Variants in EDA observed in about 807,000 individuals in gnomAD.
EDA encodes the protein ectodysplasin A, also known as ectodysplasin-A.
EDA carries 2 observed loss-of-function variants against 23.6 expected under a neutral mutation model. That is an observed-to-expected ratio of 0.08 (90% CI 0.03 to 0.27). The LOEUF is 0.27. Among genes scored for constraint, EDA ranks in the 10% least tolerant of loss-of-function variants. The pLI, the probability that EDA is intolerant of heterozygous loss-of-function variation, is 1.00. For missense variants in EDA, 229 were observed against 324.2 expected, an observed-to-expected ratio of 0.71 and a Z score of 2.26; for synonymous variants, 131 against 132.0, an observed-to-expected ratio of 0.99 and a Z score of 0.05.
chrX:69,667,644 T>C (rs778348121), intron 1 of EDA, among the ~76,000 whole-genome samples: 6 of 112,424 alleles, frequency 5.3e-5, no homozygotes, highest in African/African-American at 1.9e-4. Context: ...GTTTAGTTTG[T>C]GCTTCTTTTA....
chrX:69,725,374 C>G (rs1257040960), intron 1 of EDA, among the ~76,000 whole-genome samples: 1 of 112,068 alleles, frequency 8.9e-6, no homozygotes, highest in Admixed American at 9.5e-5. Context: ...TTTTCTTTCT[C>G]TAACCCCTTA....
At chrX:69,887,418 A>T (rs995823888) in intron 1 of EDA, among the ~76,000 whole-genome samples, 8 of 112,377 alleles carry the variant, frequency 7.1e-5, no homozygotes, top group African/African-American at 2.3e-4. Flanking sequence ...TAAAGAATAC[A>T]ATGATAGAAC....
chrX:69,804,349 G>T (rs967968539), intron 1 of EDA, among the ~76,000 whole-genome samples: 13 of 111,090 alleles, frequency 1.2e-4, no homozygotes, highest in Non-Finnish European at 2.5e-4. Context: ...TAAGATTTCT[G>T]ATTGTTTCTT....
intron 1 of EDA, among the ~76,000 whole-genome samples, chrX:69,903,510 T>TA (rs2018126029): frequency 9.1e-6 from 1 of 109,553 alleles, no homozygotes; most frequent in South Asian, 4.0e-4. Flanking sequence ...ACATATTATA[T>TA]ATTGTCTGTC....
At chrX:69,765,338 C>T (rs1036871426) in intron 1 of EDA, among the ~76,000 whole-genome samples, 4 of 112,473 alleles carry the variant, frequency 3.6e-5, no homozygotes, top group African/African-American at 1.3e-4. Context: ...TGAAAATGCT[C>T]ATTCTCTAGT....
intron 1 of EDA, among the ~76,000 whole-genome samples, chrX:69,749,095 C>T (rs1463529130): frequency 5.6e-5 from 4 of 71,588 alleles, no homozygotes; most frequent in Non-Finnish European, 1.0e-4. Context: ...CCCCTCCCCC[C>T]TCCCCACCAC....
At chrX:70,004,515 T>C (rs954801235) in intron 2 of EDA, among the ~76,000 whole-genome samples, 3 of 112,381 alleles carry the variant, frequency 2.7e-5, no homozygotes, top group Admixed American at 9.4e-5. Flanking sequence ...GCTAATGGCT[T>C]CTATCTTCTT....
intron 1 of EDA, among the ~76,000 whole-genome samples, chrX:69,778,357 A>C (rs1360120155): frequency 9.0e-6 from 1 of 111,498 alleles, no homozygotes; most frequent in Non-Finnish European, 1.9e-5. Context: ...TTGAGAAAAA[A>C]TAACTGGAGG....
rs970852762 is a variant in EDA at position 70,030,611 on chromosome X, A to G, written c.793+91A>G. 4 of 822,277 alleles carry G rather than the reference A, an allele frequency of 4.9e-6. No homozygotes were observed. The African/African-American group carries it at 8.1e-5, about 17-fold the overall frequency. The allele number at this position is 822,277 out of a possible 1,213,427, so 67.8% of individuals were successfully genotyped here. ...ATAATCACCCAGCCTAGTTCCTCCC[A>G]GGCCGCTGAGGTACCGTTGGCATAC... On this transcript the variant is annotated intron_variant, in intron 6 of 7. Transcript: ENST00000374552.
intron 1 of EDA, among the ~76,000 whole-genome samples, chrX:69,893,983 A>G (rs1047775838): frequency 8.9e-6 from 1 of 112,144 alleles, no homozygotes; most frequent in African/African-American, 3.2e-5. Context: ...GTGGTTAATC[A>G]GCCACTTTGA....
chrX:70,011,689 C>T (rs948863949), intron 2 of EDA, among the ~76,000 whole-genome samples: 1 of 111,564 alleles, frequency 9.0e-6, no homozygotes, highest in African/African-American at 3.3e-5. Context: ...TTGCCCTCAC[C>T]GAAGAACTTC....
intron 1 of EDA, among the ~76,000 whole-genome samples, chrX:69,851,885 A>G (rs774380499): frequency 1.8e-5 from 2 of 111,912 alleles, no homozygotes; most frequent in East Asian, 5.7e-4. Flanking sequence ...AGAGGCAGCA[A>G]TATGTAATTT....
chrX:69,718,367 C>G (rs2012431844), intron 1 of EDA, among the ~76,000 whole-genome samples: 1 of 110,747 alleles, frequency 9.0e-6, no homozygotes, highest in Non-Finnish European at 1.9e-5. Flanking sequence ...CTATTCTTGC[C>G]TTGTTCCTAT....
At chrX:70,018,861 C>G (rs1202936408) in intron 2 of EDA, among the ~76,000 whole-genome samples, 3 of 111,424 alleles carry the variant, frequency 2.7e-5, no homozygotes, top group Non-Finnish European at 5.7e-5. Flanking sequence ...CTAAAGAGCT[C>G]CTGCATAGCA....
intron 4 of EDA, 64 bp downstream of exon 4, chrX:70,028,100 G>C: frequency 8.6e-7 from 1 of 1,168,949 alleles, no homozygotes; most frequent in Non-Finnish European, 1.1e-6. Flanking sequence ...AGCAGGAGTG[G>C]GTGATCCTGA....
chrX:69,801,598 A>G (rs113879795), intron 1 of EDA, among the ~76,000 whole-genome samples: 15 of 112,046 alleles, frequency 1.3e-4, no homozygotes, highest in Non-Finnish European at 2.4e-4. Flanking sequence ...AAACCAGAAG[A>G]TATTTGTTAC....
At chrX:69,911,680 T>C (rs2018268237) in intron 1 of EDA, among the ~76,000 whole-genome samples, 2 of 112,358 alleles carry the variant, frequency 1.8e-5, no homozygotes, top group Admixed American at 1.9e-4. Flanking sequence ...ATAAAAGTTA[T>C]GTTTACATGA....
At chrX:69,886,745 T>C (rs2147625704) in intron 1 of EDA, among the ~76,000 whole-genome samples, 1 of 111,197 alleles carries the variant, frequency 9.0e-6, no homozygotes, top group African/African-American at 3.3e-5. Flanking sequence ...CCCCTGATAA[T>C]AGACCTGCCA....
chrX:70,015,103 A>G (rs908978306), intron 2 of EDA, among the ~76,000 whole-genome samples: 3 of 111,669 alleles, frequency 2.7e-5, no homozygotes, highest in African/African-American at 9.8e-5. Context: ...AACCATCCCC[A>G]AGACACATAG....
Sources: gnomAD v4.1 joint callset for allele counts (sites outside exome capture counted in the v4.1 genomes callset) on GRCh38, gnomAD v4.1.1 for gene constraint, MANE v1.5 for transcripts, NCBI Gene and HGNC (gene_info 2026-07-23, HGNC 2026-07-21) for gene names.